RNF130: variants seen among roughly 807,000 people sequenced by gnomAD.
RNF130 encodes the protein E3 ubiquitin-protein ligase RNF130.
Under a neutral mutation model 44.6 loss-of-function variants are expected in RNF130, and 21 were observed. That is an observed-to-expected ratio of 0.47 (90% CI 0.33 to 0.68). The LOEUF is 0.68. Among genes scored for constraint, RNF130 ranks in the 30% least tolerant of loss-of-function variants. The probability of loss-of-function intolerance (pLI) is 0.02; values close to 1 mark genes in which losing one functional copy is unlikely to be tolerated. For synonymous variants in RNF130, 214 were observed against 210.4 expected (o/e 1.02, Z -0.15); for missense variants, 479 against 560.6 (o/e 0.85, Z 1.47).
At chr5:179,994,651 G>C (rs909590521) in intron 3 of RNF130, among the ~76,000 whole-genome samples, 2 of 152,170 alleles carry the variant, frequency 1.3e-5, no homozygotes, top group Non-Finnish European at 2.9e-5. Context: ...TACAGTAGTG[G>C]TGTATCGGGT....
At chr5:180,031,131 C>T (rs1764122768) in intron 2 of RNF130, among the ~76,000 whole-genome samples, 1 of 152,104 alleles carries the variant, frequency 6.6e-6, no homozygotes, top group Admixed American at 6.5e-5. Flanking sequence ...ACATATATAA[C>T]AAAGTATGTA....
chr5:179,926,739 C>CCCA (rs1761712365), intron 7 of RNF130, among the ~76,000 whole-genome samples: 1 of 152,216 alleles, frequency 6.6e-6, no homozygotes. Context: ...GCGGTGGGCA[C>CCCA]CCTGACTCAT....
chr5:180,046,216 GC>G (rs1764562752), intron 1 of RNF130, among the ~76,000 whole-genome samples: 2 of 152,144 alleles, frequency 1.3e-5, no homozygotes, highest in South Asian at 4.1e-4. Context: ...CGGGGCAGGT[GC>G]AGGGCCCGCC....
At chr5:179,941,389 C>T (rs1016113764) in intron 7 of RNF130, among the ~76,000 whole-genome samples, 1 of 152,244 alleles carries the variant, frequency 6.6e-6, no homozygotes, top group East Asian at 1.9e-4. Context: ...AGTTGGGCTT[C>T]TGTCTTTGAG....
intron 1 of RNF130, among the ~76,000 whole-genome samples, chr5:180,043,261 A>T (rs184033003): frequency 6.6e-6 from 1 of 152,300 alleles, no homozygotes; most frequent in East Asian, 1.9e-4. Flanking sequence ...GGAGTTCAAG[A>T]TTACAGTGAA....
chr5:179,914,678 T>C (rs187678114), exon 8 of RNF130: 5 of 152,290 alleles, frequency 3.3e-5, no homozygotes, highest in Admixed American at 6.5e-5. Context: ...TTGGGTGACA[T>C]AGATATTGTG....
intron 7 of RNF130, chr5:179,933,919 C>T: frequency 1.8e-6 from 1 of 569,078 alleles, no homozygotes; most frequent in Non-Finnish European, 3.2e-6. Context: ...AGAATGGGAG[C>T]AGACTGTTCT....
At chr5:179,951,037 C>A (rs920722341), downstream of RNF130, among the ~76,000 whole-genome samples, 1 of 152,104 alleles carries the variant, frequency 6.6e-6, no homozygotes, top group Non-Finnish European at 1.5e-5. Context: ...GAAAATAAGG[C>A]CAAACATGCT....
chr5:179,953,415 C>T (rs1278032873), downstream of RNF130, among the ~76,000 whole-genome samples: 2 of 151,976 alleles, frequency 1.3e-5, no homozygotes, highest in East Asian at 3.9e-4. Flanking sequence ...CTCACACTTC[C>T]CAATTTCAAA....
At chr5:179,953,966 T>C (rs778489542), downstream of RNF130, among the ~76,000 whole-genome samples, 6 of 151,916 alleles carry the variant, frequency 3.9e-5, no homozygotes, top group South Asian at 2.1e-4. Context: ...CCAAAGAAAA[T>C]AGAAAATGGC....
At chr5:180,047,771 C>T (rs1332308411) in intron 1 of RNF130, among the ~76,000 whole-genome samples, 1 of 152,102 alleles carries the variant, frequency 6.6e-6, no homozygotes, top group Non-Finnish European at 1.5e-5. Context: ...AATCTCAGGC[C>T]ACTCTTTGTT....
intron 7 of RNF130, among the ~76,000 whole-genome samples, chr5:179,934,849 CTTGG>C (rs1206312000): frequency 6.6e-6 from 1 of 152,086 alleles, no homozygotes; most frequent in Non-Finnish European, 1.5e-5. Context: ...CCATGCTCGG[CTTGG>C]TTGATTTTTT....
At chr5:179,929,873 G>A (rs1456942110) in intron 7 of RNF130, among the ~76,000 whole-genome samples, 1 of 152,122 alleles carries the variant, frequency 6.6e-6, no homozygotes, top group Non-Finnish European at 1.5e-5. Context: ...CACCTCCATA[G>A]TATCGTGTCA....
intron 3 of RNF130, among the ~76,000 whole-genome samples, chr5:180,000,452 G>A (rs992090001): frequency 1.3e-5 from 2 of 152,128 alleles, no homozygotes; most frequent in Non-Finnish European, 2.9e-5. Context: ...GTAGACTTGG[G>A]AAGTTTTCAG....
At chr5:179,989,649 A>G (rs866274574) in intron 3 of RNF130, among the ~76,000 whole-genome samples, 9 of 152,192 alleles carry the variant, frequency 5.9e-5, no homozygotes, top group Non-Finnish European at 7.4e-5. Flanking sequence ...TAGGTATCAC[A>G]CAGTTGTGTC....
chr5:180,068,415 G>A (rs985623049), intron 1 of RNF130, among the ~76,000 whole-genome samples: 1 of 152,150 alleles, frequency 6.6e-6, no homozygotes, highest in African/African-American at 2.4e-5. Context: ...AATATAAAAT[G>A]TGTTAGCCCC....
intron 1 of RNF130, among the ~76,000 whole-genome samples, chr5:180,041,072 A>C (rs1051817727): frequency 7.2e-5 from 11 of 152,158 alleles, no homozygotes; most frequent in African/African-American, 2.7e-4. Context: ...CTATCCCCAC[A>C]GTGAGAAAAC....
intron 3 of RNF130, among the ~76,000 whole-genome samples, chr5:179,987,405 G>C (rs928074468): frequency 6.6e-6 from 1 of 152,248 alleles, no homozygotes; most frequent in Non-Finnish European, 1.5e-5. Context: ...CTTGGCTCAA[G>C]TGATCCGCCT....
At chr5:180,047,423 C>T (rs1304666542) in intron 1 of RNF130, among the ~76,000 whole-genome samples, 1 of 152,084 alleles carries the variant, frequency 6.6e-6, no homozygotes, top group Admixed American at 6.6e-5. Context: ...TATTACTTAG[C>T]TTCATTGGGT....
Sources: gnomAD v4.1 joint callset for allele counts (sites outside exome capture counted in the v4.1 genomes callset) on GRCh38, gnomAD v4.1.1 for gene constraint, MANE v1.5 for transcripts, NCBI Gene and HGNC (gene_info 2026-07-23, HGNC 2026-07-21) for gene names.